ZFP91: variants seen among roughly 807,000 people sequenced by gnomAD.
ZFP91 encodes E3 ubiquitin-protein ligase ZFP91.
A neutral mutation model predicts 63.5 loss-of-function variants in ZFP91; 7 were observed. That is an observed-to-expected ratio of 0.11 (90% CI 0.06 to 0.21). The LOEUF (loss-of-function observed/expected upper bound fraction) is 0.21. ZFP91 is among the 10% of genes least tolerant of loss of function. The pLI is 1.00. For synonymous variants in ZFP91, 330 were observed against 272.1 expected (o/e 1.21, Z -2.10); for missense variants, 628 against 736.6 (o/e 0.85, Z 1.71).
Position 58,611,071 on chromosome 11 carries a change from A to G in ZFP91, c.722+17A>G, listed in dbSNP as rs1404989183. 2 of 1,605,682 alleles carry G rather than the reference A, an allele frequency of 1.2e-6. No homozygotes were observed. The highest frequency in any genetic ancestry group is 1.1e-5 in the South Asian group (1 of 90,632). ...CTTAGAAAGGCATGTCTCAGATTTTACTGCAGACATGTTAATGAAATATAA... is the reference window on the plus strand; with the variant it reads ...CTTAGAAAGGCATGTCTCAGATTTTGCTGCAGACATGTTAATGAAATATAA... On this transcript the variant is annotated intron_variant, in intron 5 of 10. Transcript: ENST00000316059.
chr11:58,580,152 T>C (rs1175617187), intron 1 of ZFP91, among the ~76,000 whole-genome samples: 1 of 151,654 alleles, frequency 6.6e-6, no homozygotes, highest in Middle Eastern at 3.2e-3. Flanking sequence ...TTTGAGAAAT[T>C]TGCCACTTAT....
At position 58,606,287 on chromosome 11, in the gene ZFP91, G is replaced by A. The variant is rs144548466; in HGVS notation, c.371-3543G>A. Among the ~76,000 whole-genome samples the A allele has an allele frequency of 1.6e-3, 242 of 152,202 alleles. 1 individual carries two copies. The highest frequency in any genetic ancestry group is 2.3e-3 in the Non-Finnish European group (154 of 67,996). On this transcript the variant is annotated intron_variant, in intron 2 of 10. Coordinates refer to ENST00000316059, the MANE Select transcript of ZFP91 (RefSeq NM_053023.5). ...TTGCCATGTTGGCCAGGCTGGTCTC[G>A]AACTCCTGACCTCAGGTGATCCGCC... is the stretch of plus-strand genomic sequence containing the variant.
chr11:58,593,705 G>T (rs1007338097), intron 2 of ZFP91, among the ~76,000 whole-genome samples: 1 of 152,176 alleles, frequency 6.6e-6, no homozygotes, highest in African/African-American at 2.4e-5. Flanking sequence ...CTTTAGGCCT[G>T]TTGATGTTTT....
Position 58,610,968 on chromosome 11 carries a change from G to A in ZFP91, c.636G>A (p.Glu212=). 1.9e-6 allele frequency: 3 copies of A among 1,612,278 alleles called. No individual in the cohort carries two copies. Among genetic ancestry groups the A allele is most frequent in the Non-Finnish European group, 2.5e-6 (3 of 1,179,504 alleles). ...PGGISSEEEE[E]EEEEMLISEE... is the part of the protein sequence containing the mutation. ...TTTTTAGTAGTGAAGAGGAAGAGGA[G>A]GAGGAAGAAGAGATGTTAATCAGTG... The change falls in exon 5 of 11, where the codon GAG becomes GAA. Residue 212 remains glutamate, a synonymous_variant. Coordinates refer to ENST00000316059, the MANE Select transcript of ZFP91 (RefSeq NM_053023.5).
intron 4 of ZFP91, 34 bp from the exon 5 acceptor site, chr11:58,610,916 C>G (rs372594868): frequency 6.3e-7 from 1 of 1,592,510 alleles, no homozygotes; most frequent in Non-Finnish European, 8.6e-7. Flanking sequence ...TTCGCTACAA[C>G]CAGAATGTCT....
chr11:58,596,937 C>CTT (rs143902555), intron 2 of ZFP91, among the ~76,000 whole-genome samples: 4,346 of 152,152 alleles, frequency 0.029, 202 homozygotes, highest in African/African-American at 0.099. Flanking sequence ...TGTAATGAGA[C>CTT]TTAAAGATTC....
At chr11:58,597,366 T>A (rs1324244008) in intron 2 of ZFP91, among the ~76,000 whole-genome samples, 1 of 152,156 alleles carries the variant, frequency 6.6e-6, no homozygotes, top group South Asian at 2.1e-4. Flanking sequence ...CTTGTGGCAT[T>A]TTTTTCTGGA....
Position 58,579,223 on chromosome 11 carries a change from A to G in ZFP91, c.-59A>G. 1 of 1,323,164 alleles carries G rather than the reference A, an allele frequency of 7.6e-7. No individual in the cohort carries two copies. Among genetic ancestry groups the G allele is most frequent in the Non-Finnish European group, 9.6e-7 (1 of 1,036,866 alleles). 82.0% of individuals were successfully genotyped at this position (1,323,164 alleles called of 1,614,324 possible). On this transcript the variant is annotated 5_prime_UTR_variant, in exon 1 of 11. Transcript: ENST00000316059. ...CGAGGGGGCGGGGGGAGCAGCGCCG[A>G]GGCCGCCGCCTCCGCCTCCGCCGCC... is the stretch of plus-strand genomic sequence containing the variant.
chr11:58,617,276 A>G lies in ZFP91; in HGVS notation c.1283A>G (p.Tyr428Cys). ...AAGAAACATGATGCAGACTCCTTCT[A>G]CCAGTTTTCTTGCAATATCTGTGGC... is the stretch of plus-strand genomic sequence containing the variant. ...HMKKHDADSF[Y>C]QFSCNICGKK... The change falls in exon 11 of 11, where the codon TAC becomes TGC. Residue 428 changes from tyrosine (Y) to cysteine (C), a missense_variant. Tyr to Cys is a radical substitution (Grantham distance 194). This residue lies in a region of ZFP91 where 76 missense variants were observed against 230.9 expected (regional missense o/e 0.33). Transcript: ENST00000316059. The surrounding 1 kb of genome is among the most constrained non-coding windows in gnomAD (Gnocchi z 4.2). 1 of 1,613,958 alleles carries G rather than the reference A, an allele frequency of 6.2e-7. No individual in the cohort carries two copies. The highest frequency in any genetic ancestry group is 8.5e-7 in the Non-Finnish European group (1 of 1,179,946).
chr11:58,582,320 G>C (rs1855131727), intron 1 of ZFP91, among the ~76,000 whole-genome samples: 1 of 152,196 alleles, frequency 6.6e-6, no homozygotes, highest in Non-Finnish European at 1.5e-5. Flanking sequence ...GAGGTTTTGA[G>C]TCCAAACCCT....
chr11:58,584,147 T>C (rs1038277438), intron 1 of ZFP91, among the ~76,000 whole-genome samples: 4 of 152,116 alleles, frequency 2.6e-5, no homozygotes, highest in Admixed American at 2.6e-4. Flanking sequence ...TAACAATTTT[T>C]AAGCTCTTTA....
rs578122227 is a variant in ZFP91, at chr11:58,610,002, T to G, written c.543T>G (p.Ile181Met). The change falls in exon 3 of 11, where the codon ATT (isoleucine) becomes ATG (methionine). Residue 181 changes from isoleucine (I) to methionine (M), a missense_variant. By Grantham distance (10) the Ile-to-Met change is conservative. This residue lies in a region of ZFP91 where 437 missense variants were observed against 380.3 expected (regional missense o/e 1.15). Transcript: ENST00000316059. ...SRSKTGSLQL[I>M]CKSEPNTDQL... ...CCAAGACCGGTTCATTGCAGCTCAT[T>G]TGCAAGTCAGAACCAAATACAGACC... 4.3e-6 allele frequency: 7 copies of G among 1,614,182 alleles called. No individual in the cohort carries two copies. The East Asian group carries it at 8.9e-5, about 21-fold the overall frequency.
Position 58,579,438 on chromosome 11 carries a change from G to A in ZFP91, c.157G>A (p.Gly53Ser), listed in dbSNP as rs1181799639. 1 of 1,450,350 alleles carries A rather than the reference G, an allele frequency of 6.9e-7. No homozygotes were observed. The highest frequency in any genetic ancestry group is 9.0e-7 in the Non-Finnish European group (1 of 1,110,338). 89.8% of individuals were successfully genotyped at this position (1,450,350 alleles called of 1,614,324 possible). ...GTTSSRVLRGGRDRGRAAAAA... is the reference protein window; with the variant it reads ...GTTSSRVLRGSRDRGRAAAAA... ...CACTAGCAGCCGCGTGCTGAGGGGA[G>A]GTCGGGACCGAGGCCGGGCCGCTGC... The change falls in exon 1 of 11, where the codon GGT becomes AGT. Residue 53 changes from glycine to serine, a missense_variant. By Grantham distance (56) the Gly-to-Ser change is moderately conservative. Coordinates refer to ENST00000316059, the MANE Select transcript of ZFP91 (RefSeq NM_053023.5).
intron 1 of ZFP91, among the ~76,000 whole-genome samples, chr11:58,580,164 A>T (rs1184940692): frequency 6.9e-6 from 1 of 145,972 alleles, no homozygotes; most frequent in Non-Finnish European, 1.5e-5. Flanking sequence ...GCCACTTATT[A>T]TGGTCAGGTT....
chr11:58,605,296 G>T lies in ZFP91; in HGVS notation c.371-4534G>T, dbSNP rs895619318. Among the ~76,000 whole-genome samples, 74 of 152,240 alleles carry T rather than the reference G, an allele frequency of 4.9e-4. 1 individual carries two copies. The highest frequency in any genetic ancestry group is 1.7e-3 in the African/African-American group (71 of 41,546). On this transcript the variant is annotated intron_variant, in intron 2 of 10. Transcript: ENST00000316059. ...TTTACAGTTGCTATTTTGTACATTTGTCTTTCAAATCATGTAGGGAGAAAA... is the reference window on the plus strand; with the variant it reads ...TTTACAGTTGCTATTTTGTACATTTTTCTTTCAAATCATGTAGGGAGAAAA...
rs1279894390 is a variant in ZFP91, at chr11:58,619,650, C to T, written c.*1944C>T. The T allele has an allele frequency of 1.3e-5, 2 of 152,554 alleles. No homozygotes were observed. Among genetic ancestry groups the T allele is most frequent in the Admixed American group, 6.6e-5 (1 of 15,258 alleles). The allele number at this position is 152,554 out of a possible 1,614,324, so 9.5% of individuals were successfully genotyped here. A position where few individuals can be genotyped will look rare whatever the true frequency, so the allele number is the denominator to read the frequency against. On this transcript the variant is annotated 3_prime_UTR_variant, in exon 11 of 11. Coordinates refer to ENST00000316059, the MANE Select transcript of ZFP91 (RefSeq NM_053023.5). Reference sequence around the variant, plus strand: ...ATGCCAGGGAACAGAGAGTGAGACACCTACAATCACCAGTCTCAAATGCGC... The same window carrying T: ...ATGCCAGGGAACAGAGAGTGAGACATCTACAATCACCAGTCTCAAATGCGC...
chr11:58,620,326 T>C lies in ZFP91; in HGVS notation c.*2620T>C, dbSNP rs1453031521. The C allele has an allele frequency of 1.3e-5, 2 of 152,262 alleles. No homozygotes were observed. Among genetic ancestry groups the C allele is most frequent in the Admixed American group, 6.5e-5 (1 of 15,284 alleles). 9.4% of individuals were successfully genotyped at this position (152,262 alleles called of 1,614,324 possible). The stretch of plus-strand genomic sequence containing the variant: ...TTCTGCTCCATATGCCTCATTGTCC[T>C]TCCAGGGAGCTCTTTTAATCTTAAA... On this transcript the variant is annotated 3_prime_UTR_variant, in exon 11 of 11. Transcript: ENST00000316059.
At chr11:58,612,386 C>T (rs994840920) in intron 7 of ZFP91, 58 bp downstream of exon 7, 2 of 1,559,640 alleles carry the variant, frequency 1.3e-6, no homozygotes, top group African/African-American at 2.7e-5. Context: ...GCACTTTACT[C>T]ACAAATTTAG....
At chr11:58,591,559 C>A (rs1483001772) in intron 2 of ZFP91, among the ~76,000 whole-genome samples, 1 of 152,022 alleles carries the variant, frequency 6.6e-6, no homozygotes, top group Non-Finnish European at 1.5e-5. Flanking sequence ...TTTTCTTCAC[C>A]CTAATAATGT....
Sources: gnomAD v4.1 joint callset for allele counts (sites outside exome capture counted in the v4.1 genomes callset) on GRCh38, gnomAD v4.1.1 for gene constraint, gnomAD v4.1.1 regional missense constraint, Gnocchi (gnomAD v3.1) non-coding constraint, MANE v1.5 for transcripts, NCBI Gene and HGNC (gene_info 2026-07-23, HGNC 2026-07-21) for gene names.